The following CSNK1G1 variants were observed in gnomAD, a reference collection of about 807,000 sequenced individuals.
CSNK1G1 encodes the protein casein kinase I isoform gamma-1.
Under a neutral mutation model 59.6 loss-of-function variants are expected in CSNK1G1, and 22 were observed. The observed-to-expected ratio is 0.37, with a 90% confidence interval of 0.26 to 0.53. CSNK1G1 has a LOEUF of 0.53. Ranked by LOEUF, CSNK1G1 falls within the 20% of genes least tolerant of loss-of-function variation. The pLI is 0.89. For missense variants in CSNK1G1, 384 were observed against 519.5 expected, an observed-to-expected ratio of 0.74 and a Z score of 2.54; for synonymous variants, 179 against 177.1, an observed-to-expected ratio of 1.01 and a Z score of -0.08.
chr15:64,232,032 A>G (rs2140293152), intron 4 of CSNK1G1, among the ~76,000 whole-genome samples: 1 of 152,286 alleles, frequency 6.6e-6, no homozygotes, highest in Non-Finnish European at 1.5e-5. Context: ...GTTAGTGAAA[A>G]CTTCATCTCC....
chr15:64,186,495 T>TTTTTG (rs111659966), intron 10 of CSNK1G1, among the ~76,000 whole-genome samples: 8,656 of 152,004 alleles, frequency 0.057, 263 homozygotes, highest in South Asian at 0.077. Context: ...AAAATTGAGT[T>TTTTTG]TTTTGTTTTG....
At position 64,188,782 on chromosome 15, in the gene CSNK1G1, T is replaced by G. The variant is rs1289682885; in HGVS notation, c.1108-8328A>C. Among the ~76,000 whole-genome samples the G allele has an allele frequency of 6.6e-6, 1 of 152,176 alleles. No individual in the cohort carries two copies. Among genetic ancestry groups the G allele is most frequent in the Non-Finnish European group, 1.5e-5 (1 of 68,028 alleles). On this transcript the variant is annotated intron_variant, in intron 10 of 11. Coordinates refer to ENST00000303052, the MANE Select transcript of CSNK1G1 (RefSeq NM_022048.5). This position sits in a 1 kb window ranked among gnomAD's most constrained non-coding sequence, Gnocchi z 4.2. ...CACACAGTCAAAGCTGGGATCATCT[T>G]TTAGTTTCCATAGAGGTAAAATTTC...
intron 1 of CSNK1G1, among the ~76,000 whole-genome samples, chr15:64,332,406 CA>C (rs1183079974): frequency 1.4e-5 from 2 of 141,408 alleles, no homozygotes; most frequent in Non-Finnish European, 3.1e-5. Flanking sequence ...CCATCATTCT[CA>C]GTAAACTATC....
chr15:64,243,588 G>A (rs1891591186), intron 4 of CSNK1G1, among the ~76,000 whole-genome samples: 1 of 152,088 alleles, frequency 6.6e-6, no homozygotes, highest in Non-Finnish European at 1.5e-5. Flanking sequence ...CATCCAAATT[G>A]AAAAGGAGGA....
chr15:64,249,924 T>A (rs1891980896), intron 4 of CSNK1G1, among the ~76,000 whole-genome samples: 1 of 152,154 alleles, frequency 6.6e-6, no homozygotes, highest in African/African-American at 2.4e-5. Context: ...ACAGAGGAAA[T>A]CCTGAAAACT....
chr15:64,249,039 G>A (rs1266074465), intron 4 of CSNK1G1, among the ~76,000 whole-genome samples: 3 of 152,294 alleles, frequency 2.0e-5, no homozygotes, highest in East Asian at 3.9e-4. Context: ...GGAGAATGGC[G>A]TGAACCCGGG....
rs999187362 is a variant in CSNK1G1 at position 64,210,408 on chromosome 15, T to G, written c.680-2814A>C. Among the ~76,000 whole-genome samples the G allele has an allele frequency of 2.0e-5, 3 of 152,192 alleles. No homozygotes were observed. Among genetic ancestry groups the G allele is most frequent in the Admixed American group, 1.3e-4 (2 of 15,272 alleles). On this transcript the variant is annotated intron_variant, in intron 6 of 11. Transcript: ENST00000303052. This position sits in a 1 kb window ranked among gnomAD's most constrained non-coding sequence, Gnocchi z 4.2. ...GAGCATGCTTTATTTTCATACGACTTTGAACACTCCACACTTGTCCAATTC... is the reference window on the plus strand; with the variant it reads ...GAGCATGCTTTATTTTCATACGACTGTGAACACTCCACACTTGTCCAATTC...
At chr15:64,297,220 T>C (rs72756984) in intron 2 of CSNK1G1, among the ~76,000 whole-genome samples, 6,732 of 152,096 alleles carry the variant, frequency 0.044, 196 homozygotes, top group South Asian at 0.085. Flanking sequence ...ATAAAGCAGT[T>C]TGACGAGACA....
Position 64,317,628 on chromosome 15 carries a change from G to A in CSNK1G1, c.-224-16905C>T, listed in dbSNP as rs1362102131. On this transcript the variant is annotated intron_variant, in intron 1 of 11. Coordinates refer to ENST00000303052, the MANE Select transcript of CSNK1G1 (RefSeq NM_022048.5). ...TGTGTTGGCCAGGATGGCCCAGGAT[G>A]GCTGGGACTACAGGGGCATACCATC... Among the ~76,000 whole-genome samples, 3 of 151,278 alleles carry A rather than the reference G, an allele frequency of 2.0e-5. No homozygotes were observed. The East Asian group carries it at 5.9e-4, about 30-fold the overall frequency.
At chr15:64,270,700 C>T (rs1459419989) in intron 2 of CSNK1G1, among the ~76,000 whole-genome samples, 1 of 149,854 alleles carries the variant, frequency 6.7e-6, no homozygotes, top group Non-Finnish European at 1.5e-5. Context: ...GCGGAGCTTG[C>T]AGTGAGCAGA....
At chr15:64,334,374 G>A (rs759008525) in intron 1 of CSNK1G1, among the ~76,000 whole-genome samples, 1 of 152,140 alleles carries the variant, frequency 6.6e-6, no homozygotes, top group Non-Finnish European at 1.5e-5. Context: ...CAGTTTTACA[G>A]AAGACAATTT....
Position 64,169,515 on chromosome 15 carries a change from G to C in CSNK1G1, c.*2416C>G, listed in dbSNP as rs1456278010. On this transcript the variant is annotated 3_prime_UTR_variant, in exon 12 of 12. Transcript: ENST00000303052. ...CCCAAACTGCTGGGATTACAGGCGT[G>C]AGCCACTGCACCTGGCCCCCCCTCT... 2 of 148,182 alleles carry C rather than the reference G, an allele frequency of 1.3e-5. No individual in the cohort carries two copies. Among genetic ancestry groups the C allele is most frequent in the South Asian group, 2.1e-4 (1 of 4,718 alleles). 9.2% of individuals were successfully genotyped at this position (148,182 alleles called of 1,614,324 possible).
Position 64,169,381 on chromosome 15 carries a change from T to C in CSNK1G1, c.*2550A>G, listed in dbSNP as rs1400745663. The stretch of plus-strand genomic sequence containing the variant: ...CCGAGTAGCTGGGACTACGGGAGCA[T>C]GCCACCATGCCCAGCTAATTTTTGT... On this transcript the variant is annotated 3_prime_UTR_variant, in exon 12 of 12. Transcript: ENST00000303052. The C allele has an allele frequency of 6.6e-6, 1 of 152,208 alleles. No individual in the cohort carries two copies. Among genetic ancestry groups the C allele is most frequent in the African/African-American group, 2.4e-5 (1 of 41,400 alleles). The allele number at this position is 152,208 out of a possible 1,614,324, so 9.4% of individuals were successfully genotyped here. A position where few individuals can be genotyped will look rare whatever the true frequency, so the allele number is the denominator to read the frequency against.
intron 2 of CSNK1G1, among the ~76,000 whole-genome samples, chr15:64,290,145 A>G (rs554253123): frequency 6.6e-6 from 1 of 152,208 alleles, no homozygotes; most frequent in Non-Finnish European, 1.5e-5. Context: ...TATGAAAAAC[A>G]GTATGGAAGT....
intron 2 of CSNK1G1, among the ~76,000 whole-genome samples, chr15:64,262,850 G>A (rs1314314587): frequency 3.3e-5 from 5 of 152,116 alleles, no homozygotes; most frequent in African/African-American, 1.2e-4. Flanking sequence ...AGACCAAGGT[G>A]GGTGGATCAC....
intron 6 of CSNK1G1, among the ~76,000 whole-genome samples, chr15:64,207,946 A>G (rs908050633): frequency 1.3e-5 from 2 of 152,142 alleles, no homozygotes; most frequent in Admixed American, 6.6e-5. Flanking sequence ...GGCTACAATT[A>G]CCTTTTAGTT....
At position 64,168,057 on chromosome 15, in the gene CSNK1G1, G is replaced by A. The variant is rs192121461; in HGVS notation, c.*3874C>T. ...ACTAAGTTTGGAAATTACTTTAGGG[G>A]TGATGGTCACCTTTTCTGGCTGATG... On this transcript the variant is annotated 3_prime_UTR_variant, in exon 12 of 12. Coordinates refer to ENST00000303052, the MANE Select transcript of CSNK1G1 (RefSeq NM_022048.5). 6.6e-6 allele frequency: 1 copy of A among 152,588 alleles called. No individual in the cohort carries two copies. The highest frequency in any genetic ancestry group is 1.9e-4 in the East Asian group (1 of 5,182). The allele number at this position is 152,588 out of a possible 1,614,324, so 9.5% of individuals were successfully genotyped here.
intron 7 of CSNK1G1, 39 bp from the exon 8 acceptor site, chr15:64,204,988 G>GC (rs765973001): frequency 1.7e-6 from 2 of 1,149,812 alleles, no homozygotes; most frequent in South Asian, 2.6e-5. Context: ...TTAAAAGAGG[G>GC]CCTAAACATG....
chr15:64,317,532 T>C (rs1006786776), intron 1 of CSNK1G1, among the ~76,000 whole-genome samples: 7 of 149,040 alleles, frequency 4.7e-5, no homozygotes, highest in African/African-American at 1.5e-4. Context: ...AGGTTTCTCT[T>C]TTTTTTTTTT....
Sources: allele counts gnomAD v4.1 joint callset (sites outside exome capture counted in the v4.1 genomes callset), GRCh38; gene constraint gnomAD v4.1.1; non-coding constraint Gnocchi (gnomAD v3.1); transcripts MANE v1.5; gene names NCBI Gene and HGNC (gene_info 2026-07-23, HGNC 2026-07-21).